Variants in QTMAN observed in about 807,000 individuals in gnomAD.
QTMAN encodes the protein tRNA-queuosine alpha-mannosyltransferase.
At chr2:144,283,824 T>A in the QTMAN span, among the ~76,000 whole-genome samples, 4 of 152,048 alleles carry the variant, frequency 2.6e-5, no homozygotes, top group African/African-American at 9.7e-5. Flanking sequence ...AAAGAATAAC[T>A]GTACCATGCA....
chr2:144,226,300 A>T, the QTMAN span, among the ~76,000 whole-genome samples: 6 of 152,208 alleles, frequency 3.9e-5, no homozygotes, highest in Non-Finnish European at 8.8e-5. Context: ...ACATTTATCA[A>T]GTGCATACTG....
chr2:144,114,680 C>T, the QTMAN span, among the ~76,000 whole-genome samples: 28 of 129,200 alleles, frequency 2.2e-4, no homozygotes, highest in Middle Eastern at 3.9e-3. Context: ...GAGTAGTGCC[C>T]ACACTACAAA....
At chr2:144,281,671 A>C in the QTMAN span, among the ~76,000 whole-genome samples, 1,332 of 152,192 alleles carry the variant, frequency 8.8e-3, 14 homozygotes, top group African/African-American at 0.03. Context: ...ATCTAATCTG[A>C]CTAGTGTCCT....
chr2:143,978,672 A>G, the QTMAN span, among the ~76,000 whole-genome samples: 8 of 152,210 alleles, frequency 5.3e-5, no homozygotes, highest in Admixed American at 4.6e-4. Context: ...ACCATCCCAC[A>G]TAATTTAAAA....
At chr2:144,204,656 G>T in the QTMAN span, among the ~76,000 whole-genome samples, 1 of 152,094 alleles carries the variant, frequency 6.6e-6, no homozygotes. Context: ...TATGCCCAAA[G>T]GATTATAAAT....
chr2:144,022,712 C>T, the QTMAN span, among the ~76,000 whole-genome samples: 5 of 151,890 alleles, frequency 3.3e-5, no homozygotes, highest in Non-Finnish European at 5.9e-5. Context: ...TACAGACGCA[C>T]GCCACTGCGT....
the QTMAN span, among the ~76,000 whole-genome samples, chr2:144,267,188 T>C: frequency 6.6e-6 from 1 of 152,114 alleles, no homozygotes; most frequent in Admixed American, 6.5e-5. Context: ...GCAATACCCA[T>C]CAGAGTGTGA....
the QTMAN span, among the ~76,000 whole-genome samples, chr2:144,084,789 G>T: frequency 6.7e-5 from 10 of 149,530 alleles, no homozygotes; most frequent in African/African-American, 2.6e-4. Context: ...GGGACATAAG[G>T]CTAGTTTATT....
At chr2:144,251,019 A>G in the QTMAN span, among the ~76,000 whole-genome samples, 6 of 152,158 alleles carry the variant, frequency 3.9e-5, no homozygotes, top group African/African-American at 7.2e-5. Context: ...TTAAAACATT[A>G]TAAGTTTAAA....
chr2:143,951,994 T>C, the QTMAN span: 2 of 1,557,178 alleles, frequency 1.3e-6, no homozygotes, highest in Non-Finnish European at 1.8e-6. Context: ...TATAGAGATG[T>C]TTTCTTATAA....
chr2:144,024,784 A>G, the QTMAN span, among the ~76,000 whole-genome samples: 1 of 152,230 alleles, frequency 6.6e-6, no homozygotes, highest in Admixed American at 6.5e-5. Context: ...GCTTTGCTAC[A>G]TAGAACACTC....
the QTMAN span, among the ~76,000 whole-genome samples, chr2:143,987,037 A>G: frequency 6.6e-6 from 1 of 152,252 alleles, no homozygotes; most frequent in South Asian, 2.1e-4. Context: ...AGTGCCTGCT[A>G]TGGAAAAACT....
the QTMAN span, among the ~76,000 whole-genome samples, chr2:144,227,183 T>C: frequency 6.6e-6 from 1 of 152,170 alleles, no homozygotes; most frequent in Admixed American, 6.5e-5. Flanking sequence ...AAATGACCTG[T>C]TTGCCTTTTG....
At chr2:144,080,522 C>T in the QTMAN span, among the ~76,000 whole-genome samples, 1 of 152,046 alleles carries the variant, frequency 6.6e-6, no homozygotes, top group Admixed American at 6.6e-5. Context: ...GTTAACTAAA[C>T]CATATGTATA....
chr2:144,084,494 T>A, the QTMAN span, among the ~76,000 whole-genome samples: 4 of 152,212 alleles, frequency 2.6e-5, no homozygotes, highest in Non-Finnish European at 5.9e-5. Flanking sequence ...AAATAGTTTG[T>A]TTTTATTCCT....
chr2:144,126,685 T>C, the QTMAN span, among the ~76,000 whole-genome samples: 3 of 152,008 alleles, frequency 2.0e-5, no homozygotes, highest in African/African-American at 7.2e-5. Context: ...CAGCTGTATG[T>C]TGTTTCACTT....
At chr2:144,115,183 A>C in the QTMAN span, among the ~76,000 whole-genome samples, 1 of 151,772 alleles carries the variant, frequency 6.6e-6, no homozygotes, top group Admixed American at 6.6e-5. Context: ...GTAAGCCGAG[A>C]TCACACCACG....
chr2:144,047,248 G>A, the QTMAN span, among the ~76,000 whole-genome samples: 1 of 152,118 alleles, frequency 6.6e-6, no homozygotes, highest in Non-Finnish European at 1.5e-5. Flanking sequence ...TCCAGCCTGG[G>A]TGACAGAGTA....
the QTMAN span, among the ~76,000 whole-genome samples, chr2:143,954,748 A>G: frequency 7.9e-5 from 12 of 152,076 alleles, no homozygotes; most frequent in South Asian, 1.4e-3. Context: ...ATTCATTTCC[A>G]TAAGTTTCTC....
Sources: gnomAD v4.1 joint callset for allele counts (sites outside exome capture counted in the v4.1 genomes callset) on GRCh38, gnomAD v4.1.1 for gene constraint, MANE v1.5 for transcripts, NCBI Gene and HGNC (gene_info 2026-07-23, HGNC 2026-07-21) for gene names.